PGM2L1: variants seen among roughly 807,000 people sequenced by gnomAD.
PGM2L1 encodes phosphoglucomutase 2 like 1, also known as glucose 1,6-bisphosphate synthase.
In PGM2L1, 35 loss-of-function variants were observed where a neutral mutation model predicts 73.4. The observed-to-expected ratio is 0.48, with a 90% CI of 0.36 to 0.63. The LOEUF (loss-of-function observed/expected upper bound fraction) is 0.63, where lower values mean the gene tolerates loss of function less well. PGM2L1 is among the 30% of genes least tolerant of loss of function. The pLI is 0.00. For missense variants in PGM2L1, 570 were observed against 742.0 expected (o/e 0.77, Z 2.69); for synonymous variants, 225 against 253.8 (o/e 0.89, Z 1.08).
At chr11:74,362,253 T>C (rs1862575871) in intron 5 of PGM2L1, among the ~76,000 whole-genome samples, 1 of 152,114 alleles carries the variant, frequency 6.6e-6, no homozygotes, top group Non-Finnish European at 1.5e-5. Context: ...TCAACATTCT[T>C]TAAAAAAGAA....
At chr11:74,383,808 T>C (rs1336179909) in intron 1 of PGM2L1, among the ~76,000 whole-genome samples, 1 of 114,208 alleles carries the variant, frequency 8.8e-6, no homozygotes, top group Non-Finnish European at 1.9e-5. Flanking sequence ...TAGTATTCTA[T>C]GGAGATATAT....
In PGM2L1 at chr11:74,333,915, T is replaced by A. The variant is rs759299634; in HGVS notation, c.*2737A>T. 2.0e-5 allele frequency: 3 copies of A among 151,950 alleles called. No homozygotes were observed. Among genetic ancestry groups the A allele is most frequent in the Non-Finnish European group, 4.4e-5 (3 of 67,844 alleles). The allele number at this position is 151,950 out of a possible 1,614,324, so 9.4% of individuals were successfully genotyped here. A position where few individuals can be genotyped will look rare whatever the true frequency, so the allele number is the denominator to read the frequency against. ...ACAATATTGTTCAAAAAGAAAAAGA[T>A]AAACATTGTAGTGCCCGAGGCTGAG... On this transcript the variant is annotated 3_prime_UTR_variant, in exon 14 of 14. Transcript: ENST00000298198.
Position 74,398,241 on chromosome 11 carries a change from A to T in PGM2L1, c.-80T>A. On this transcript the variant is annotated 5_prime_UTR_variant, in exon 1 of 14. Coordinates refer to ENST00000298198, the MANE Select transcript of PGM2L1 (RefSeq NM_173582.6). ...GGGGGTGGCTTGGGGTTCGCTCACC[A>T]GGGTCCAGGCGTCCCCACCTCACTG... 2 of 1,519,344 alleles carry T rather than the reference A, an allele frequency of 1.3e-6. No homozygotes were observed. Among genetic ancestry groups the T allele is most frequent in the Admixed American group, 4.0e-5 (2 of 50,278 alleles). 94.1% of individuals were successfully genotyped at this position (1,519,344 alleles called of 1,614,324 possible).
intron 1 of PGM2L1, among the ~76,000 whole-genome samples, chr11:74,376,025 A>C (rs1469697287): frequency 6.6e-6 from 1 of 152,210 alleles, no homozygotes; most frequent in Admixed American, 6.5e-5. Context: ...ATAGCACTGT[A>C]ATACCCTGCT....
chr11:74,371,393 C>A (rs565130363), intron 3 of PGM2L1, among the ~76,000 whole-genome samples: 38 of 152,268 alleles, frequency 2.5e-4, no homozygotes, highest in African/African-American at 8.4e-4. Context: ...TAAAACTAAT[C>A]TAATAGGCAT....
At chr11:74,389,947 CAA>C (rs71065078) in intron 1 of PGM2L1, among the ~76,000 whole-genome samples, 1,678 of 38,560 alleles carry the variant, frequency 0.044, 102 homozygotes, top group African/African-American at 0.18. Flanking sequence ...ACTAAAAATA[CAA>C]AAAAAAAAAA....
At chr11:74,364,810 A>G (rs1021266676) in intron 5 of PGM2L1, among the ~76,000 whole-genome samples, 18 of 152,338 alleles carry the variant, frequency 1.2e-4, no homozygotes, top group African/African-American at 3.8e-4. Context: ...TATAGATTCA[A>G]TGCCATCCCC....
chr11:74,355,854 T>C (rs1862443573), intron 5 of PGM2L1: 1 of 428,038 alleles, frequency 2.3e-6, no homozygotes, highest in South Asian at 1.7e-5. Flanking sequence ...ACAAGACATA[T>C]TTTAGACAAA....
intron 5 of PGM2L1, chr11:74,354,438 C>T: frequency 1.4e-6 from 1 of 706,092 alleles, no homozygotes; most frequent in Non-Finnish European, 2.5e-6. Context: ...CTTCCCCCTG[C>T]TGTCATGTCT....
Position 74,345,526 on chromosome 11 carries a change from G to C in PGM2L1, c.1161C>G (p.Thr387=). 1 of 1,613,260 alleles carries C rather than the reference G, an allele frequency of 6.2e-7. No homozygotes were observed. The highest frequency in any genetic ancestry group is 8.5e-7 in the Non-Finnish European group (1 of 1,179,426). ...ADVKNVYMLA[T]TVSSKILKAI... ...CCTTCAGAATTTTAGAAGAGACTGT[G>C]GTGGCTAACATATAAACGTTCTTCA... Residue 387 remains threonine, a synonymous_variant, in exon 9 of 14, where the codon ACC becomes ACG. Transcript: ENST00000298198.
chr11:74,366,279 T>A (rs1862656316), intron 5 of PGM2L1, among the ~76,000 whole-genome samples: 1 of 150,516 alleles, frequency 6.6e-6, no homozygotes, highest in African/African-American at 2.5e-5. Flanking sequence ...AGTTAATGGG[T>A]GCAGCACACC....
chr11:74,367,899 G>T (rs1862686300), intron 5 of PGM2L1, among the ~76,000 whole-genome samples: 1 of 152,136 alleles, frequency 6.6e-6, no homozygotes, highest in Non-Finnish European at 1.5e-5. Flanking sequence ...GTAAGACAGA[G>T]CTCGGTATGT....
chr11:74,391,201 C>T (rs1227946818), intron 1 of PGM2L1, among the ~76,000 whole-genome samples: 1 of 151,770 alleles, frequency 6.6e-6, no homozygotes, highest in African/African-American at 2.4e-5. Context: ...CCTCCTCCCT[C>T]CCTCCCTTCC....
chr11:74,358,890 A>T (rs1862505548), intron 5 of PGM2L1, among the ~76,000 whole-genome samples: 1 of 152,144 alleles, frequency 6.6e-6, no homozygotes, highest in Admixed American at 6.5e-5. Context: ...CTCCATCTCA[A>T]AAAACAAAAA....
chr11:74,398,148 G>T lies in PGM2L1; in HGVS notation c.14C>A (p.Thr5Lys). The change falls in exon 1 of 14, where the codon ACA (threonine) becomes AAA (lysine). Residue 5 changes from threonine to lysine, a missense_variant. Transcript: ENST00000298198. MAEN[T>K]EGDLNSNLLH... ...CAGGTTGGAGTTCAGATCCCCCTCT[G>T]TGTTTTCAGCCATGGCGACCAGACA... The T allele has an allele frequency of 6.2e-7, 1 of 1,611,328 alleles. No homozygotes were observed. Among genetic ancestry groups the T allele is most frequent in the Non-Finnish European group, 8.5e-7 (1 of 1,178,478 alleles).
chr11:74,345,737 T>A, intron 8 of PGM2L1, 88 bp from the exon 9 acceptor site: 4 of 1,166,368 alleles, frequency 3.4e-6, no homozygotes, highest in Middle Eastern at 3.9e-4. Context: ...CATCCTTCAG[T>A]TAGGAAAAAT....
chr11:74,396,266 T>TA lies in PGM2L1; in HGVS notation c.111+1784dup, dbSNP rs141051355. ...CTGGACAACACGGTGAGACCCTGTTTAAAAAAAAAAAAAAAAATCAATCAG... is the reference window on the plus strand; with the variant it reads ...CTGGACAACACGGTGAGACCCTGTTTAAAAAAAAAAAAAAAAAATCAATCAG... On this transcript the variant is annotated intron_variant, in intron 1 of 13. Transcript: ENST00000298198. Among the ~76,000 whole-genome samples the TA allele has an allele frequency of 8.1e-4, 113 of 139,646 alleles. No homozygotes were observed. In the South Asian group the frequency reaches 0.014, roughly 17 times the overall value. 91.6% of individuals were successfully genotyped at this position (139,646 alleles called of 152,430 possible).
chr11:74,384,188 A>G (rs1483646117), intron 1 of PGM2L1, among the ~76,000 whole-genome samples: 2 of 151,568 alleles, frequency 1.3e-5, no homozygotes, highest in East Asian at 1.9e-4. Context: ...TCACTGACCT[A>G]TCTTGTAGTT....
In PGM2L1 at chr11:74,380,035, A is replaced by AT. The variant is rs553521517; in HGVS notation, c.112-5454dup. Among the ~76,000 whole-genome samples, 424 of 152,330 alleles carry AT rather than the reference A, an allele frequency of 2.8e-3. 3 individuals carry two copies. Among genetic ancestry groups the AT allele is most frequent in the African/African-American group, 9.5e-3 (396 of 41,580 alleles). On this transcript the variant is annotated intron_variant, in intron 1 of 13. Transcript: ENST00000298198. ...CTAAAGTTGCAAAATTGTACATAAC[A>AT]TTTTTAAATGTTACTGACAGAGACT... is the stretch of plus-strand genomic sequence containing the variant.
Sources: gnomAD v4.1 joint callset for allele counts (sites outside exome capture counted in the v4.1 genomes callset) on GRCh38, gnomAD v4.1.1 for gene constraint, MANE v1.5 for transcripts, NCBI Gene and HGNC (gene_info 2026-07-23, HGNC 2026-07-21) for gene names.